Variants in CPHXL observed in about 807,000 individuals in gnomAD.
CPHXL encodes cytoplasmic polyadenylated homeobox like.
At chr16:75,721,244 A>G (rs1371743164) in intron 1 of CPHXL, among the ~76,000 whole-genome samples, 1 of 152,224 alleles carries the variant, frequency 6.6e-6, no homozygotes, top group African/African-American at 2.4e-5. Context: ...TCAAATTCAC[A>G]CATAACAATA....
intron 2 of CPHXL, among the ~76,000 whole-genome samples, 199 bp downstream of exon 2, chr16:75,718,066 A>G (rs1208880919): frequency 1.5e-5 from 1 of 68,360 alleles, no homozygotes; most frequent in Non-Finnish European, 2.2e-5. Flanking sequence ...TTTACAAAAC[A>G]TAAAAGCCTG....
chr16:75,725,487 C>T (rs1389744725), intron 1 of CPHXL, among the ~76,000 whole-genome samples: 1 of 149,786 alleles, frequency 6.7e-6, no homozygotes, highest in Non-Finnish European at 1.5e-5. Flanking sequence ...GACTCTCGCT[C>T]TGTCGCCCAG....
rs1959365734 is a variant in CPHXL, at chr16:75,714,765, C to A, written c.677G>T (p.Gly226Val). The A allele has an allele frequency of 2.3e-5, 9 of 398,572 alleles. No homozygotes were observed. The highest frequency in any genetic ancestry group is 4.0e-5 in the Non-Finnish European group (9 of 226,118). 24.7% of individuals were successfully genotyped at this position (398,572 alleles called of 1,614,324 possible). A position where few individuals can be genotyped will look rare whatever the true frequency, so the allele number is the denominator to read the frequency against. The change falls in exon 3 of 3, where the codon GGT becomes GTT. Residue 226 changes from glycine to valine, a missense_variant. Gly to Val is a moderately radical substitution (Grantham distance 109). Transcript: ENST00000640559. ...KHPGCAMGYG[G>V]DTGSGHSGSG... Reference sequence around the variant, plus strand: ...TCCAGAATGCCCACTTCCTGTGTCACCTCCATACCCCATAGCACAGCCTGG... The same window carrying A: ...TCCAGAATGCCCACTTCCTGTGTCAACTCCATACCCCATAGCACAGCCTGG...
intron 1 of CPHXL, among the ~76,000 whole-genome samples, chr16:75,720,526 A>C (rs1047727818): frequency 7.2e-5 from 11 of 152,236 alleles, no homozygotes; most frequent in African/African-American, 2.7e-4. Flanking sequence ...AAAGGAATGC[A>C]ATGAAGCAAG....
chr16:75,722,148 A>G (rs1157910160), intron 1 of CPHXL, among the ~76,000 whole-genome samples: 1 of 152,254 alleles, frequency 6.6e-6, no homozygotes, highest in Non-Finnish European at 1.5e-5. Context: ...CACAAGAGAA[A>G]GCAGGAAAGA....
At chr16:75,715,861 AT>A (rs200136477) in intron 2 of CPHXL, among the ~76,000 whole-genome samples, 3 of 151,394 alleles carry the variant, frequency 2.0e-5, no homozygotes, top group East Asian at 1.9e-4. Flanking sequence ...TGCCCGGCTA[AT>A]TTTTTTTGTA....
chr16:75,722,665 C>T (rs1405237012), intron 1 of CPHXL, among the ~76,000 whole-genome samples: 3 of 152,168 alleles, frequency 2.0e-5, no homozygotes, highest in African/African-American at 7.2e-5. Context: ...CCGAATTCTA[C>T]CAGAGGTGCA....
chr16:75,722,874 CA>C (rs2151840000), intron 1 of CPHXL, among the ~76,000 whole-genome samples: 1 of 152,230 alleles, frequency 6.6e-6, no homozygotes, highest in South Asian at 2.1e-4. Context: ...AAACTGAATC[CA>C]GCAGCACATG....
chr16:75,723,365 C>G lies in CPHXL; in HGVS notation c.25+3053G>C, dbSNP rs1200056266. ...ATCTAGAAAACCCCATCGTCTCAGCCCAAAATCTCCTTAAGCTGATAAGCA... is the reference window on the plus strand; with the variant it reads ...ATCTAGAAAACCCCATCGTCTCAGCGCAAAATCTCCTTAAGCTGATAAGCA... On this transcript the variant is annotated intron_variant, in intron 1 of 2. Coordinates refer to ENST00000640559, the MANE Select transcript of CPHXL (RefSeq NM_001355613.1). 2.0e-5 allele frequency among the ~76,000 whole-genome samples: 3 copies of G among 152,194 alleles called. No individual in the cohort carries two copies. The East Asian group carries it at 5.8e-4, about 29-fold the overall frequency.
At chr16:75,724,818 A>C (rs1479336875) in intron 1 of CPHXL, among the ~76,000 whole-genome samples, 1 of 152,216 alleles carries the variant, frequency 6.6e-6, no homozygotes, top group Non-Finnish European at 1.5e-5. Context: ...ATAAAGACAC[A>C]TGCACACGTA....
chr16:75,723,203 C>T (rs1490621275), intron 1 of CPHXL, among the ~76,000 whole-genome samples: 3 of 152,060 alleles, frequency 2.0e-5, no homozygotes, highest in African/African-American at 7.2e-5. Context: ...GACAGGGATG[C>T]CCTCTCTCAC....
In CPHXL at chr16:75,714,971, G is replaced by C. The variant is rs754172111; in HGVS notation, c.471C>G (p.Phe157Leu). ...IPSQEMGYNC[F>L]SLENQETPSQ... ...TGGGAGTCTCTTGGTTCTCCAAAGA[G>C]AAACAATTATAGCCCATTTCTTGAC... The change falls in exon 3 of 3, where the codon TTC becomes TTG. Residue 157 changes from phenylalanine to leucine, a missense_variant. Phe to Leu is a conservative substitution (Grantham distance 22). Transcript: ENST00000640559. The C allele has an allele frequency of 9.5e-5, 38 of 398,540 alleles. No individual in the cohort carries two copies. Among genetic ancestry groups the C allele is most frequent in the Non-Finnish European group, 1.5e-4 (33 of 226,090 alleles). The allele number at this position is 398,540 out of a possible 1,614,324, so 24.7% of individuals were successfully genotyped here.
At chr16:75,720,851 G>A (rs181380584) in intron 1 of CPHXL, among the ~76,000 whole-genome samples, 192 of 152,312 alleles carry the variant, frequency 1.3e-3, no homozygotes, top group Middle Eastern at 3.4e-3. Flanking sequence ...GGCAGCCAGA[G>A]AGAAAGGTCG....
chr16:75,715,028 A>C lies in CPHXL; in HGVS notation c.414T>G (p.Gly138=), dbSNP rs1377480404. The part of the protein sequence containing the change: ...GAQRALMRRA[G]CSHLEKQWIP... Reference sequence around the variant, plus strand: ...TCCACTGTTTCTCCAGATGGGAGCAACCAGCTCTTCTCATCAGAGCCCTCT... The same window carrying C: ...TCCACTGTTTCTCCAGATGGGAGCACCCAGCTCTTCTCATCAGAGCCCTCT... The change falls in exon 3 of 3, where the codon GGT becomes GGG. Residue 138 remains glycine (G), a synonymous_variant. Coordinates refer to ENST00000640559, the MANE Select transcript of CPHXL (RefSeq NM_001355613.1). 1 of 398,534 alleles carries C rather than the reference A, an allele frequency of 2.5e-6. No homozygotes were observed. Among genetic ancestry groups the C allele is most frequent in the Non-Finnish European group, 4.4e-6 (1 of 226,064 alleles). The allele number at this position is 398,534 out of a possible 1,614,324, so 24.7% of individuals were successfully genotyped here.
chr16:75,718,127 G>T (rs989362316), intron 2 of CPHXL, 138 bp downstream of exon 2: 2 of 388,456 alleles, frequency 5.1e-6, no homozygotes, highest in African/African-American at 4.1e-5. Context: ...CTGAGGTGGG[G>T]GAATCACCTG....
Position 75,714,482 on chromosome 16 carries a change from C to T in CPHXL, c.960G>A (p.Gln320=). The T allele has an allele frequency of 2.5e-6, 1 of 398,642 alleles. No homozygotes were observed. 24.7% of individuals were successfully genotyped at this position (398,642 alleles called of 1,614,324 possible). A position where few individuals can be genotyped will look rare whatever the true frequency, so the allele number is the denominator to read the frequency against. Residue 320 remains glutamine (Q), a synonymous_variant, in exon 3 of 3, where the codon CAG becomes CAA. Coordinates refer to ENST00000640559, the MANE Select transcript of CPHXL (RefSeq NM_001355613.1). ...DWQYHLQQHQ[Q]PQNYLEGMML... ...TCATCCCCTCTAAGTAATTCTGAGG[C>T]TGTTGGTGCTGCTGCAGGTGATACT...
At chr16:75,724,537 C>T (rs1055622117) in intron 1 of CPHXL, among the ~76,000 whole-genome samples, 1 of 152,244 alleles carries the variant, frequency 6.6e-6, no homozygotes, top group African/African-American at 2.4e-5. Context: ...CTCATCATCA[C>T]TGGCCATCAG....
rs1959369705 is a variant in CPHXL at position 75,714,980 on chromosome 16, A to G, written c.462T>C (p.Tyr154=). The part of the protein sequence containing the change: ...KQWIPSQEMG[Y]NCFSLENQET... ...CTTGGTTCTCCAAAGAGAAACAATT[A>G]TAGCCCATTTCTTGACTGGGAATCC... The change falls in exon 3 of 3, where the codon TAT becomes TAC. Residue 154 remains tyrosine, a synonymous_variant. Coordinates refer to ENST00000640559, the MANE Select transcript of CPHXL (RefSeq NM_001355613.1). The G allele has an allele frequency of 1.0e-5, 4 of 398,530 alleles. No individual in the cohort carries two copies. Among genetic ancestry groups the G allele is most frequent in the Non-Finnish European group, 1.8e-5 (4 of 226,082 alleles). 24.7% of individuals were successfully genotyped at this position (398,530 alleles called of 1,614,324 possible).
chr16:75,716,530 T>C (rs749135276), intron 2 of CPHXL, among the ~76,000 whole-genome samples: 2 of 152,192 alleles, frequency 1.3e-5, no homozygotes, highest in African/African-American at 2.4e-5. Flanking sequence ...GGGTGAGATA[T>C]GGGGGAAGGG....
Sources: gnomAD v4.1 joint callset for allele counts (sites outside exome capture counted in the v4.1 genomes callset) on GRCh38, gnomAD v4.1.1 for gene constraint, MANE v1.5 for transcripts, NCBI Gene and HGNC (gene_info 2026-07-23, HGNC 2026-07-21) for gene names.